FAM107B: variants seen among roughly 807,000 people sequenced by gnomAD.
FAM107B encodes the protein protein FAM107B.
In FAM107B, 21 loss-of-function variants were observed where a neutral mutation model predicts 31.5. The ratio of observed to expected loss-of-function variants is 0.67; its 90% CI spans 0.47 to 0.96. FAM107B has a LOEUF of 0.96. Among genes scored for constraint, FAM107B ranks in the 40% least tolerant of loss-of-function variants. The probability of loss-of-function intolerance (pLI) is 0.00; values close to 1 mark genes in which losing one functional copy is unlikely to be tolerated. For missense variants in FAM107B, 452 were observed against 377.1 expected, an observed-to-expected ratio of 1.20 and a Z score of -1.64; for synonymous variants, 157 against 141.5, an observed-to-expected ratio of 1.11 and a Z score of -0.78.
chr10:14,591,009 AAAG>A (rs1411614358), intron 2 of FAM107B, among the ~76,000 whole-genome samples: 1 of 151,684 alleles, frequency 6.6e-6, no homozygotes, highest in African/African-American at 2.4e-5. Flanking sequence ...AAAAAAAAAA[AAAG>A]ATCCATTTCT....
chr10:14,770,342 G>A (rs1021226207), intron 1 of FAM107B, among the ~76,000 whole-genome samples: 3 of 152,100 alleles, frequency 2.0e-5, no homozygotes, highest in Non-Finnish European at 2.9e-5. Context: ...GGCCAACATG[G>A]TGAAAACCCA....
chr10:14,769,006 A>C (rs7916549), intron 1 of FAM107B, among the ~76,000 whole-genome samples: 6,031 of 152,278 alleles, frequency 0.04, 353 homozygotes, highest in African/African-American at 0.13. Flanking sequence ...AGTGGACAGT[A>C]ACTACAGATG....
At chr10:14,630,467 C>A (rs952563083) in intron 2 of FAM107B, among the ~76,000 whole-genome samples, 2 of 151,892 alleles carry the variant, frequency 1.3e-5, no homozygotes, top group African/African-American at 4.8e-5. Flanking sequence ...TTATATATTT[C>A]TTAGTTTCCC....
At chr10:14,691,374 A>G (rs773531262) in intron 1 of FAM107B, among the ~76,000 whole-genome samples, 3 of 152,224 alleles carry the variant, frequency 2.0e-5, no homozygotes, top group Non-Finnish European at 4.4e-5. Flanking sequence ...GACATGATCA[A>G]GTGCCAGTTC....
At chr10:14,571,910 T>G in intron 2 of FAM107B, 1 of 985,468 alleles carries the variant, frequency 1.0e-6, no homozygotes, top group Non-Finnish European at 1.2e-6. Context: ...TTACAGAGAC[T>G]GACCTAACCT....
intron 1 of FAM107B, among the ~76,000 whole-genome samples, chr10:14,760,324 G>A (rs1439950450): frequency 3.9e-5 from 6 of 152,124 alleles, no homozygotes; most frequent in Non-Finnish European, 8.8e-5. Flanking sequence ...CCAGTTTTCC[G>A]GTTTGCAAAA....
chr10:14,584,921 T>G (rs116514780), intron 2 of FAM107B, among the ~76,000 whole-genome samples: 1 of 152,204 alleles, frequency 6.6e-6, no homozygotes, highest in Non-Finnish European at 1.5e-5. Context: ...CAGCCTGTAA[T>G]TGGTTGCTTC....
At chr10:14,541,132 C>T (rs543301018) in intron 2 of FAM107B, among the ~76,000 whole-genome samples, 1 of 152,280 alleles carries the variant, frequency 6.6e-6, no homozygotes, top group East Asian at 1.9e-4. Flanking sequence ...AAAATCGCCC[C>T]CTATCACCAG....
At chr10:14,592,016 G>A (rs923851313) in intron 2 of FAM107B, among the ~76,000 whole-genome samples, 3 of 152,226 alleles carry the variant, frequency 2.0e-5, no homozygotes, top group African/African-American at 7.2e-5. Flanking sequence ...AAATGCATTG[G>A]ACAGACTTTG....
intron 1 of FAM107B, among the ~76,000 whole-genome samples, chr10:14,677,583 T>C (rs957254494): frequency 1.3e-5 from 2 of 151,638 alleles, no homozygotes; most frequent in Admixed American, 1.3e-4. Flanking sequence ...ATGGCGCCAC[T>C]GCACTCCAGC....
chr10:14,759,948 G>A (rs1564291275), intron 1 of FAM107B, among the ~76,000 whole-genome samples: 1 of 152,128 alleles, frequency 6.6e-6, no homozygotes, highest in African/African-American at 2.4e-5. Context: ...CTGACCTCAG[G>A]TGATCCACTC....
chr10:14,521,450 GGATA>G (rs1845625228), intron 4 of FAM107B, 144 bp from the exon 5 acceptor site: 1 of 695,712 alleles, frequency 1.4e-6, no homozygotes, highest in African/African-American at 1.8e-5. Context: ...AGAAATGGAT[GGATA>G]GAGTCTGGGT....
At position 14,679,925 on chromosome 10, in the gene FAM107B, G is replaced by A. The variant is rs555891237; in HGVS notation, c.412-12234C>T. Among the ~76,000 whole-genome samples, 10 of 152,170 alleles carry A rather than the reference G, an allele frequency of 6.6e-5. No homozygotes were observed. The East Asian group carries it at 7.7e-4, about 12-fold the overall frequency. ...TGGATGCTTCCTGCCCTCAAACATC[G>A]GACTCCAAGTTCTTCAGCTTTGGGA... On this transcript the variant is annotated intron_variant, in intron 1 of 4. Transcript: ENST00000181796.
At chr10:14,684,827 C>T (rs199768296) in intron 1 of FAM107B, among the ~76,000 whole-genome samples, 1 of 147,560 alleles carries the variant, frequency 6.8e-6, no homozygotes, top group Non-Finnish European at 1.5e-5. Context: ...TTTTGTTTTT[C>T]TTTTTTTTTT....
chr10:14,564,586 G>A (rs1021633397), intron 2 of FAM107B, among the ~76,000 whole-genome samples: 12 of 151,518 alleles, frequency 7.9e-5, no homozygotes, highest in African/African-American at 2.9e-4. Flanking sequence ...GACAGTATCT[G>A]AAATACACTC....
chr10:14,534,483 C>G (rs1847394632), intron 2 of FAM107B, among the ~76,000 whole-genome samples: 1 of 152,188 alleles, frequency 6.6e-6, no homozygotes, highest in African/African-American at 2.4e-5. Flanking sequence ...GAAAATACAA[C>G]TCTGGTATAA....
chr10:14,574,211 C>A (rs1414183975), intron 2 of FAM107B, among the ~76,000 whole-genome samples: 1 of 152,160 alleles, frequency 6.6e-6, no homozygotes, highest in Admixed American at 6.5e-5. Context: ...CCTCAGGCAT[C>A]CTGACACAGT....
chr10:14,768,643 T>C (rs1833234291), intron 1 of FAM107B, among the ~76,000 whole-genome samples: 1 of 152,260 alleles, frequency 6.6e-6, no homozygotes, highest in South Asian at 2.1e-4. Flanking sequence ...CACAGAATTA[T>C]ATACTTTAAA....
At chr10:14,550,779 C>G (rs765298026) in intron 2 of FAM107B, among the ~76,000 whole-genome samples, 4 of 152,076 alleles carry the variant, frequency 2.6e-5, no homozygotes, top group Non-Finnish European at 4.4e-5. Flanking sequence ...TTAACAGTAC[C>G]TTTTTCAAGT....
Sources: gnomAD v4.1 joint callset for allele counts (sites outside exome capture counted in the v4.1 genomes callset) on GRCh38, gnomAD v4.1.1 for gene constraint, MANE v1.5 for transcripts, NCBI Gene and HGNC (gene_info 2026-07-23, HGNC 2026-07-21) for gene names.